Variants in UMODL1 observed in about 807,000 individuals in gnomAD.
UMODL1 encodes uromodulin like 1, also known as uromodulin-like 1.
In UMODL1, 128 loss-of-function variants were observed where a neutral mutation model predicts 136.3. That is an observed-to-expected ratio of 0.94 (90% CI 0.81 to 1.09). The LOEUF (loss-of-function observed/expected upper bound fraction) is 1.09. Ranked by LOEUF, UMODL1 falls within the 50% of genes least tolerant of loss-of-function variation. UMODL1 has a pLI of 0.00. For synonymous variants in UMODL1, 721 were observed against 720.0 expected (o/e 1.00, Z -0.02); for missense variants, 1,766 against 1,725.6 (o/e 1.02, Z -0.41).
chr21:42,097,342 A>G (rs1601208434), intron 6 of UMODL1, among the ~76,000 whole-genome samples: 1 of 152,154 alleles, frequency 6.6e-6, no homozygotes, highest in South Asian at 2.1e-4. Context: ...GCAGGTTCTC[A>G]GTGAGGGAGC....
chr21:42,102,343 C>T, intron 8 of UMODL1, 65 bp downstream of exon 8: 1 of 1,189,936 alleles, frequency 8.4e-7, no homozygotes, highest in South Asian at 1.4e-5. Flanking sequence ...CAAACACAAG[C>T]CGTTAATTCC....
intron 21 of UMODL1, among the ~76,000 whole-genome samples, chr21:42,135,041 C>T (rs112562376): frequency 0.06 from 9,185 of 152,288 alleles, 401 homozygotes; most frequent in Non-Finnish European, 0.092. Flanking sequence ...AGGTTTTAAG[C>T]CTCACATGCC....
Position 42,123,556 on chromosome 21 carries a change from T to G in UMODL1, c.3147+406T>G, listed in dbSNP as rs1276688182. ...GTCTGTGTATGTGGGGGTGTGCATG[T>G]GTGTGAATGTGTGTAAATGTGTGAA... On this transcript the variant is annotated intron_variant, in intron 17 of 22. Coordinates refer to ENST00000408910, the MANE Select transcript of UMODL1 (RefSeq NM_001004416.3). The surrounding 1 kb of genome is among the most constrained non-coding windows in gnomAD (Gnocchi z 4.4). Among the ~76,000 whole-genome samples the G allele has an allele frequency of 6.6e-6, 1 of 151,656 alleles. No homozygotes were observed. The highest frequency in any genetic ancestry group is 2.4e-5 in the African/African-American group (1 of 41,192).
At chr21:42,101,339 C>T (rs900277817) in intron 7 of UMODL1, among the ~76,000 whole-genome samples, 3 of 152,098 alleles carry the variant, frequency 2.0e-5, no homozygotes, top group Non-Finnish European at 4.4e-5. Flanking sequence ...CTCCCTCTTG[C>T]TAAGATGGGA....
intron 6 of UMODL1, among the ~76,000 whole-genome samples, chr21:42,098,388 C>T (rs928047816): frequency 1.3e-5 from 2 of 152,238 alleles, no homozygotes; most frequent in Admixed American, 1.3e-4. Flanking sequence ...TCCTGAGCTA[C>T]CTTCCAAAAT....
rs770557074 is a variant in UMODL1 at position 42,076,251 on chromosome 21, A to C, written c.319+4A>C. On this transcript the variant is annotated splice_donor_region_variant and intron_variant, in intron 2 of 22. Transcript: ENST00000408910. ...CTCGGCCTCTACTGTGTCTTGCGTG[A>C]GTCCAGGGCTGCTGGGCTGGGGCGG... 3.2e-5 allele frequency: 52 copies of C among 1,613,462 alleles called. No homozygotes were observed. Among genetic ancestry groups the C allele is most frequent in the Non-Finnish European group, 4.4e-5 (52 of 1,179,520 alleles).
Position 42,090,317 on chromosome 21 carries a change from T to C in UMODL1, c.810T>C (p.Tyr270=), listed in dbSNP as rs67055914. The C allele has an allele frequency of 0.22, 362,147 of 1,613,646 alleles. 42,367 individuals are homozygous for C. Among genetic ancestry groups the C allele is most frequent in the East Asian group, 0.34 (15,356 of 44,844 alleles). Reference sequence around the variant, plus strand: ...CTGTAGATGTCAATGAGTGTTTCTATGAGGAGCTCAATGCCTGCTCTGGAA... The same window carrying C: ...CTGTAGATGTCAATGAGTGTTTCTACGAGGAGCTCAATGCCTGCTCTGGAA... ...VQVQDVNECF[Y]EELNACSGRE... Residue 270 remains tyrosine (Y), a synonymous_variant, in exon 6 of 23, where the codon TAT becomes TAC. Transcript: ENST00000408910.
intron 15 of UMODL1, chr21:42,120,847 C>T: frequency 4.7e-6 from 2 of 426,488 alleles, no homozygotes; most frequent in Non-Finnish European, 4.1e-6. Context: ...CCCAGATCCC[C>T]CTCCCAGCCC....
chr21:42,137,335 C>T (rs3819139), intron 21 of UMODL1, 104 bp from the exon 22 acceptor site: 256,870 of 1,422,866 alleles, frequency 0.18, 24,211 homozygotes, highest in South Asian at 0.28. Context: ...CCTTGCATTC[C>T]CCGTGCTTCA....
At chr21:42,117,370 A>G (rs943040594) in intron 14 of UMODL1, among the ~76,000 whole-genome samples, 3 of 152,170 alleles carry the variant, frequency 2.0e-5, no homozygotes, top group African/African-American at 7.2e-5. Context: ...TCTGTCTGTT[A>G]TAAATAGTGC....
Position 42,108,966 on chromosome 21 carries a change from G to GCGGGAAGTT in UMODL1, c.1520-595_1520-594insGGGAAGTTC, listed in dbSNP as rs2066771224. On this transcript the variant is annotated intron_variant, in intron 9 of 22. Transcript: ENST00000408910. Reference sequence around the variant, plus strand: ...ATACTCAGGCTGACCCCCACTCCTGGCATGTAAAGCTGGTGTTATGCTCAG... The same window carrying GCGGGAAGTT: ...ATACTCAGGCTGACCCCCACTCCTGGCGGGAAGTTCATGTAAAGCTGGTGTTATGCTCAG... Among the ~76,000 whole-genome samples the GCGGGAAGTT allele has an allele frequency of 6.1e-5, 5 of 81,758 alleles. 1 individual carries two copies. The highest frequency in any genetic ancestry group is 3.6e-4 in the Admixed American group (2 of 5,588). The allele number at this position is 81,758 out of a possible 152,430, so 53.6% of individuals were successfully genotyped here. A position where few individuals can be genotyped will look rare whatever the true frequency, so the allele number is the denominator to read the frequency against.
chr21:42,114,512 G>A (rs1377024955), intron 13 of UMODL1, among the ~76,000 whole-genome samples: 1 of 151,954 alleles, frequency 6.6e-6, no homozygotes, highest in African/African-American at 2.4e-5. Flanking sequence ...TGGTCTGCAC[G>A]GTGGGGCGCA....
In UMODL1 at chr21:42,099,086, A is replaced by C. The variant is rs776521903; in HGVS notation, c.1092A>C (p.Ala364=). ...RSARTQSQAL[A]VAGLEAGVLY... ...CCAGGACACAGAGCCAGGCACTGGCAGTGGCTGGGCTGGAGGCTGGAGTGC... is the reference window on the plus strand; with the variant it reads ...CCAGGACACAGAGCCAGGCACTGGCCGTGGCTGGGCTGGAGGCTGGAGTGC... Residue 364 remains alanine (A), a synonymous_variant, in exon 7 of 23, where the codon GCA becomes GCC. Transcript: ENST00000408910. The surrounding 1 kb of genome is among the most constrained non-coding windows in gnomAD (Gnocchi z 4.1). 1 of 1,614,196 alleles carries C rather than the reference A, an allele frequency of 6.2e-7. No individual in the cohort carries two copies. The highest frequency in any genetic ancestry group is 8.5e-7 in the Non-Finnish European group (1 of 1,180,032).
chr21:42,065,779 G>A (rs569174148), intron 1 of UMODL1, among the ~76,000 whole-genome samples: 8 of 152,154 alleles, frequency 5.3e-5, no homozygotes, highest in African/African-American at 1.7e-4. Context: ...TGATCTGGCC[G>A]CCTCAGCCTC....
chr21:42,076,346 G>A, intron 2 of UMODL1, 99 bp downstream of exon 2: 4 of 1,549,074 alleles, frequency 2.6e-6, no homozygotes, highest in Non-Finnish European at 3.5e-6. Context: ...GAACTTGCTA[G>A]ATCTTCCAGG....
chr21:42,127,615 G>A (rs781000486), intron 19 of UMODL1, 57 bp from the exon 20 acceptor site: 80 of 1,552,498 alleles, frequency 5.2e-5, no homozygotes, highest in Non-Finnish European at 6.7e-5. Context: ...ACTCATCTGA[G>A]AACAAGGACA....
At chr21:42,082,536 C>T (rs540688311) in intron 2 of UMODL1, among the ~76,000 whole-genome samples, 1 of 152,316 alleles carries the variant, frequency 6.6e-6, no homozygotes, top group South Asian at 2.1e-4. Context: ...GCATGGCACC[C>T]ACCGTCAGGG....
Position 42,142,858 on chromosome 21 carries a change from T to TG in UMODL1, c.*785dup, listed in dbSNP as rs2067301545. 1 of 152,200 alleles carries TG rather than the reference T, an allele frequency of 6.6e-6. No individual in the cohort carries two copies. The highest frequency in any genetic ancestry group is 2.1e-4 in the South Asian group (1 of 4,834). The allele number at this position is 152,200 out of a possible 1,614,324, so 9.4% of individuals were successfully genotyped here. Reference sequence around the variant, plus strand: ...CAGAGGAGCCGATGAGTTACTTAATTGAGGTCACAGAATGAATTAGCAAGA... The same window carrying TG: ...CAGAGGAGCCGATGAGTTACTTAATTGGAGGTCACAGAATGAATTAGCAAGA... On this transcript the variant is annotated 3_prime_UTR_variant, in exon 23 of 23. Coordinates refer to ENST00000408910, the MANE Select transcript of UMODL1 (RefSeq NM_001004416.3).
intron 8 of UMODL1, 51 bp downstream of exon 8, chr21:42,102,329 A>G (rs2066646527): frequency 2.3e-6 from 3 of 1,325,784 alleles, no homozygotes; most frequent in Non-Finnish European, 3.2e-6. Flanking sequence ...CTGAGTGAGG[A>G]CATCAAACAC....
Sources: allele counts gnomAD v4.1 joint callset (sites outside exome capture counted in the v4.1 genomes callset), GRCh38; gene constraint gnomAD v4.1.1; non-coding constraint Gnocchi (gnomAD v3.1); transcripts MANE v1.5; gene names NCBI Gene and HGNC (gene_info 2026-07-23, HGNC 2026-07-21).